Variants in ZNF385B observed in about 807,000 individuals in gnomAD.
ZNF385B encodes zinc finger protein 533.
ZNF385B carries 23 observed loss-of-function variants against 39.2 expected under a neutral mutation model. That is an observed-to-expected ratio of 0.59 (90% CI 0.42 to 0.83). The LOEUF is 0.83. Ranked by LOEUF, ZNF385B falls within the 40% of genes least tolerant of loss-of-function variation. ZNF385B has a pLI of 0.00. For missense variants in ZNF385B, 552 were observed against 598.9 expected, an observed-to-expected ratio of 0.92 and a Z score of 0.82; for synonymous variants, 205 against 222.6, an observed-to-expected ratio of 0.92 and a Z score of 0.70.
intron 3 of ZNF385B, among the ~76,000 whole-genome samples, chr2:179,723,482 C>T (rs1043803207): frequency 5.3e-5 from 8 of 152,088 alleles, no homozygotes; most frequent in African/African-American, 1.7e-4. Flanking sequence ...AAAGTAATTG[C>T]GGTTTTTGCC....
intron 3 of ZNF385B, among the ~76,000 whole-genome samples, chr2:179,692,978 C>T (rs906925010): frequency 6.6e-6 from 1 of 152,214 alleles, no homozygotes; most frequent in African/African-American, 2.4e-5. Context: ...GTGGTCCCTG[C>T]ACCAGCAGTG....
At chr2:179,671,955 G>C (rs1212082682) in intron 3 of ZNF385B, among the ~76,000 whole-genome samples, 1 of 152,226 alleles carries the variant, frequency 6.6e-6, no homozygotes, top group Non-Finnish European at 1.5e-5. Context: ...TGATACCCTG[G>C]GGTGGTAGAG....
intron 1 of ZNF385B, among the ~76,000 whole-genome samples, chr2:179,791,273 T>C (rs1050381570): frequency 6.6e-6 from 1 of 152,198 alleles, no homozygotes; most frequent in Non-Finnish European, 1.5e-5. Flanking sequence ...AGCAAGCCCT[T>C]AGATTTATAG....
At chr2:179,611,016 T>C (rs1166551451) in intron 3 of ZNF385B, among the ~76,000 whole-genome samples, 2 of 152,196 alleles carry the variant, frequency 1.3e-5, no homozygotes, top group South Asian at 2.1e-4. Context: ...TCCTTTCCAA[T>C]TTAGACGCCC....
At chr2:179,857,565 C>G (rs1310499412) in intron 1 of ZNF385B, among the ~76,000 whole-genome samples, 4 of 152,162 alleles carry the variant, frequency 2.6e-5, no homozygotes, top group Non-Finnish European at 5.9e-5. Context: ...GCTCAGAGAC[C>G]TGCTGTGTTA....
intron 3 of ZNF385B, among the ~76,000 whole-genome samples, chr2:179,713,996 G>A (rs1483473671): frequency 6.6e-6 from 1 of 152,168 alleles, no homozygotes; most frequent in African/African-American, 2.4e-5. Flanking sequence ...ATCATGTCAG[G>A]AAAGGTTCTA....
intron 3 of ZNF385B, among the ~76,000 whole-genome samples, chr2:179,723,238 T>A (rs2106409870): frequency 6.6e-6 from 1 of 152,162 alleles, no homozygotes; most frequent in South Asian, 2.1e-4. Context: ...GAAAAAAAAA[T>A]TTCAAGTTGA....
At chr2:179,611,168 G>T (rs1689255420) in intron 3 of ZNF385B, among the ~76,000 whole-genome samples, 1 of 152,112 alleles carries the variant, frequency 6.6e-6, no homozygotes, top group Admixed American at 6.5e-5. Context: ...TTTGATACTA[G>T]CTGTGGGTCT....
At position 179,687,133 on chromosome 2, in the gene ZNF385B, T is replaced by A. The variant is rs1220420222; in HGVS notation, c.298+82370A>T. Among the ~76,000 whole-genome samples the A allele has an allele frequency of 4.0e-5, 6 of 151,622 alleles. No individual in the cohort carries two copies. In the South Asian group the frequency reaches 8.4e-4, roughly 21 times the overall value. On this transcript the variant is annotated intron_variant, in intron 3 of 9. Transcript: ENST00000410066. ...TATTATTTGGTGTGACTAAGAGCTG[T>A]CAAGAATACCCATGGGTGCTTGAGT...
At chr2:179,644,622 CT>C (rs1692554251) in intron 3 of ZNF385B, among the ~76,000 whole-genome samples, 1 of 152,140 alleles carries the variant, frequency 6.6e-6, no homozygotes, top group African/African-American at 2.4e-5. Context: ...AAGTTGCCAA[CT>C]TTTCCAAAGA....
At chr2:179,541,929 A>G (rs929244880) in intron 4 of ZNF385B, among the ~76,000 whole-genome samples, 2 of 152,196 alleles carry the variant, frequency 1.3e-5, no homozygotes, top group Admixed American at 6.5e-5. Context: ...AAAAGATTCT[A>G]ATTCAAGTCT....
At chr2:179,460,975 G>A (rs1288700148) in intron 6 of ZNF385B, among the ~76,000 whole-genome samples, 1 of 152,196 alleles carries the variant, frequency 6.6e-6, no homozygotes, top group Admixed American at 6.5e-5. Flanking sequence ...TGTGCAGCAA[G>A]CAAGATGAAC....
chr2:179,512,519 C>A (rs1249697779), intron 5 of ZNF385B, among the ~76,000 whole-genome samples: 1 of 152,164 alleles, frequency 6.6e-6, no homozygotes, highest in Non-Finnish European at 1.5e-5. Context: ...TATGTTAGCT[C>A]ATTTCCCCGG....
intron 3 of ZNF385B, among the ~76,000 whole-genome samples, chr2:179,640,584 G>C (rs1356065): frequency 0.93 from 141,491 of 152,174 alleles, 65,940 homozygotes; most frequent in Middle Eastern, 0.96. Context: ...GTAGGATATG[G>C]TTTGAAATTG....
Position 179,807,432 on chromosome 2 carries a change from T to C in ZNF385B, c.-154-36760A>G, listed in dbSNP as rs191205622. On this transcript the variant is annotated intron_variant, in intron 1 of 9. Coordinates refer to ENST00000410066, the MANE Select transcript of ZNF385B (RefSeq NM_152520.6). ...GGCCAACATGGTGAAACACCATCTC[T>C]ACTAAAAATACAAAAATTAGCTAGG... 3.6e-3 allele frequency among the ~76,000 whole-genome samples: 549 copies of C among 151,660 alleles called. 5 individuals are homozygous for C. The highest frequency in any genetic ancestry group is 0.013 in the African/African-American group (528 of 41,230).
At chr2:179,819,014 A>C (rs547253701) in intron 1 of ZNF385B, among the ~76,000 whole-genome samples, 1 of 139,652 alleles carries the variant, frequency 7.2e-6, no homozygotes, top group East Asian at 2.1e-4. Context: ...TATATGTATA[A>C]ATATGTGCAT....
chr2:179,807,243 T>G (rs931192076), intron 1 of ZNF385B, among the ~76,000 whole-genome samples: 4 of 152,328 alleles, frequency 2.6e-5, no homozygotes, highest in African/African-American at 9.6e-5. Context: ...AATGAATAAG[T>G]TGAAACTACT....
At chr2:179,617,924 A>G (rs1689893008) in intron 3 of ZNF385B, among the ~76,000 whole-genome samples, 1 of 152,150 alleles carries the variant, frequency 6.6e-6, no homozygotes, top group African/African-American at 2.4e-5. Flanking sequence ...ATAGGGAGGA[A>G]AGTTAGCATT....
At chr2:179,506,110 A>C (rs2057234120) in intron 5 of ZNF385B, among the ~76,000 whole-genome samples, 1 of 152,096 alleles carries the variant, frequency 6.6e-6, no homozygotes, top group African/African-American at 2.4e-5. Context: ...ATTTAGTATA[A>C]GTTCCTAATG....
Sources: allele counts gnomAD v4.1 joint callset (sites outside exome capture counted in the v4.1 genomes callset), GRCh38; gene constraint gnomAD v4.1.1; transcripts MANE v1.5; gene names NCBI Gene and HGNC (gene_info 2026-07-23, HGNC 2026-07-21).